Variants in RIN2 observed in about 807,000 individuals in gnomAD.
The protein encoded by RIN2 is Ras and Rab interactor 2, also known as RAB5 interacting protein 2.
In RIN2, 36 loss-of-function variants were observed where a neutral mutation model predicts 78.0. The observed-to-expected ratio is 0.46, with a 90% CI of 0.35 to 0.61. RIN2 has a LOEUF of 0.61. Ranked by LOEUF, RIN2 falls within the 20% of genes least tolerant of loss-of-function variation. The probability of loss-of-function intolerance (pLI) is 0.00; values close to 1 mark genes in which losing one functional copy is unlikely to be tolerated. For missense variants in RIN2, 1,087 were observed against 1,159.7 expected, an observed-to-expected ratio of 0.94 and a Z score of 0.91; for synonymous variants, 466 against 466.8, an observed-to-expected ratio of 1.00 and a Z score of 0.02.
At chr20:19,971,899 G>A (rs183390631) in intron 8 of RIN2, among the ~76,000 whole-genome samples, 82 of 152,094 alleles carry the variant, frequency 5.4e-4, no homozygotes, top group African/African-American at 7.5e-4. Context: ...TTGCCACCAC[G>A]CCCAGATAAT....
intron 3 of RIN2, among the ~76,000 whole-genome samples, chr20:19,896,477 T>C (rs1052663110): frequency 6.6e-5 from 10 of 152,204 alleles, no homozygotes; most frequent in Admixed American, 5.9e-4. Context: ...TCAAAAGCCA[T>C]AGAGATGAAT....
chr20:19,845,919 G>A lies in RIN2; in HGVS notation c.-36-43647G>A, dbSNP rs987777081. Among the ~76,000 whole-genome samples the A allele has an allele frequency of 9.8e-5, 15 of 152,298 alleles. No homozygotes were observed. In the East Asian group the frequency reaches 2.1e-3, roughly 22 times the overall value. On this transcript the variant is annotated intron_variant, in intron 2 of 12. Coordinates refer to ENST00000255006, the MANE Select transcript of RIN2 (RefSeq NM_018993.4). Reference sequence around the variant, plus strand: ...TAATTTCTGTATAAGGTTTATGAAAGGGGTCCAGTTTCAGTTTTCTGCATA... The same window carrying A: ...TAATTTCTGTATAAGGTTTATGAAAAGGGTCCAGTTTCAGTTTTCTGCATA...
intron 2 of RIN2, among the ~76,000 whole-genome samples, chr20:19,855,300 C>T (rs1268968601): frequency 2.0e-5 from 3 of 152,052 alleles, no homozygotes; most frequent in Non-Finnish European, 2.9e-5. Context: ...TTATTGAGGA[C>T]TTTTGCATCA....
chr20:19,973,546 T>C (rs1347356984), intron 8 of RIN2, among the ~76,000 whole-genome samples: 2 of 152,188 alleles, frequency 1.3e-5, no homozygotes, highest in African/African-American at 4.8e-5. Flanking sequence ...CCCAGCACTT[T>C]GGGAGGCCAA....
intron 11 of RIN2, among the ~76,000 whole-genome samples, chr20:19,993,267 C>T (rs984100275): frequency 5.4e-5 from 8 of 147,756 alleles, no homozygotes; most frequent in East Asian, 2.8e-4. Flanking sequence ...GGGATTGTCA[C>T]GGTTTCGTTT....
At chr20:19,964,742 G>A (rs1039187161) in intron 6 of RIN2, among the ~76,000 whole-genome samples, 4 of 152,162 alleles carry the variant, frequency 2.6e-5, no homozygotes, top group African/African-American at 4.8e-5. Flanking sequence ...GCATGTGCTC[G>A]GCATGAGTCA....
intron 2 of RIN2, among the ~76,000 whole-genome samples, chr20:19,847,518 C>T (rs562365489): frequency 2.0e-5 from 3 of 152,258 alleles, no homozygotes; most frequent in South Asian, 2.1e-4. Flanking sequence ...CTTCAGCTTC[C>T]GGAGACCCAG....
At chr20:19,970,462 T>C (rs765829873) in intron 7 of RIN2, among the ~76,000 whole-genome samples, 1 of 152,242 alleles carries the variant, frequency 6.6e-6, no homozygotes, top group Non-Finnish European at 1.5e-5. Context: ...CCAGGCAGTT[T>C]CGGCCCAACA....
At chr20:19,989,954 C>A (rs1312986498) in intron 9 of RIN2, 52 bp from the exon 10 acceptor site, 2 of 1,445,390 alleles carry the variant, frequency 1.4e-6, no homozygotes, top group Non-Finnish European at 9.2e-7. Context: ...GCAGATGTTG[C>A]ATTTCTTCTT....
intron 3 of RIN2, among the ~76,000 whole-genome samples, chr20:19,919,160 C>T (rs563068877): frequency 2.0e-5 from 3 of 152,172 alleles, no homozygotes; most frequent in Non-Finnish European, 2.9e-5. Context: ...TGACAGATGC[C>T]GTGCGAGAGT....
rs770889016 is a variant in RIN2, at chr20:19,974,715, T to G, written c.690T>G (p.Leu230=). The change falls in exon 9 of 13, where the codon CTT becomes CTG. Residue 230 remains leucine (L), a synonymous_variant. Transcript: ENST00000255006. ...PPNLPPPHRP[L]SSDGVCPASL... is the part of the protein sequence containing the mutation. Reference sequence around the variant, plus strand: ...ACCTTCCACCTCCCCATAGGCCTCTTTCCTCCGACGGTGTCTGTCCTGCCT... The same window carrying G: ...ACCTTCCACCTCCCCATAGGCCTCTGTCCTCCGACGGTGTCTGTCCTGCCT... 9 of 1,613,836 alleles carry G rather than the reference T, an allele frequency of 5.6e-6. No homozygotes were observed. Among genetic ancestry groups the G allele is most frequent in the Non-Finnish European group, 7.6e-6 (9 of 1,179,866 alleles).
chr20:19,758,250 G>A (rs911672954), upstream of RIN2: 2 of 151,034 alleles, frequency 1.3e-5, no homozygotes, highest in Non-Finnish European at 2.9e-5. Context: ...TCCCGGGCGG[G>A]GAAACCCAGC....
At chr20:19,917,872 C>T (rs946608384) in intron 3 of RIN2, among the ~76,000 whole-genome samples, 1 of 152,226 alleles carries the variant, frequency 6.6e-6, no homozygotes, top group African/African-American at 2.4e-5. Flanking sequence ...ACTTTTTCCC[C>T]TGTTCACTAT....
At chr20:19,940,424 C>T (rs995522828) in intron 4 of RIN2, among the ~76,000 whole-genome samples, 14 of 152,222 alleles carry the variant, frequency 9.2e-5, no homozygotes, top group African/African-American at 2.7e-4. Flanking sequence ...GGCTTCCTCC[C>T]TAGCAAAGAA....
chr20:19,877,025 T>C (rs1445074982), intron 2 of RIN2, among the ~76,000 whole-genome samples: 1 of 152,010 alleles, frequency 6.6e-6, no homozygotes, highest in East Asian at 1.9e-4. Flanking sequence ...TGCGAAGAGG[T>C]CAGTTTGGCC....
intron 2 of RIN2, among the ~76,000 whole-genome samples, chr20:19,837,169 AACAC>A (rs142399537): frequency 0.045 from 6,363 of 140,094 alleles, 183 homozygotes; most frequent in African/African-American, 0.073. Context: ...CGCCCCCCCC[AACAC>A]ACACACACAC....
chr20:19,948,654 TTTG>T (rs1268750421), intron 4 of RIN2, among the ~76,000 whole-genome samples: 1 of 152,018 alleles, frequency 6.6e-6, no homozygotes, highest in Admixed American at 6.6e-5. Context: ...TGAAATCACT[TTTG>T]TTCTTAAAAA....
intron 3 of RIN2, among the ~76,000 whole-genome samples, chr20:19,919,625 G>C (rs2039830382): frequency 6.6e-6 from 1 of 151,976 alleles, no homozygotes; most frequent in African/African-American, 2.4e-5. Flanking sequence ...GGCCAACATG[G>C]TGAAACCCCG....
At chr20:19,760,912 G>A (rs997137618) in intron 1 of RIN2, among the ~76,000 whole-genome samples, 1 of 152,142 alleles carries the variant, frequency 6.6e-6, no homozygotes, top group Non-Finnish European at 1.5e-5. Flanking sequence ...ATCTCTTAAA[G>A]CAATACAGTG....
Sources: allele counts gnomAD v4.1 joint callset (sites outside exome capture counted in the v4.1 genomes callset), GRCh38; gene constraint gnomAD v4.1.1; transcripts MANE v1.5; gene names NCBI Gene and HGNC (gene_info 2026-07-23, HGNC 2026-07-21).